The following EPM2A variants were observed in gnomAD, a reference collection of about 807,000 sequenced individuals.
The protein encoded by EPM2A is laforin.
In EPM2A, 21 loss-of-function variants were observed where a neutral mutation model predicts 26.5. The observed-to-expected ratio is 0.79, with a 90% CI of 0.56 to 1.14. EPM2A has a LOEUF of 1.14. EPM2A is among the 50% of genes most tolerant of loss of function. EPM2A has a pLI of 0.00. For synonymous variants in EPM2A, 217 were observed against 177.6 expected, an observed-to-expected ratio of 1.22 and a Z score of -1.76; for missense variants, 458 against 440.8, an observed-to-expected ratio of 1.04 and a Z score of -0.35.
intron 1 of EPM2A, among the ~76,000 whole-genome samples, chr6:145,691,705 C>T (rs113671754): frequency 6.6e-6 from 1 of 151,852 alleles, no homozygotes; most frequent in Non-Finnish European, 1.5e-5. Flanking sequence ...AAGGTTGATA[C>T]CAGTCAACTA....
chr6:145,724,929 G>A (rs1165211126), intron 1 of EPM2A, among the ~76,000 whole-genome samples: 1 of 151,874 alleles, frequency 6.6e-6, no homozygotes, highest in Non-Finnish European at 1.5e-5. Context: ...TGGATTTGGA[G>A]AAGAGTTTTT....
intron 4 of EPM2A, among the ~76,000 whole-genome samples, chr6:145,406,814 C>T (rs751997008): frequency 3.9e-5 from 6 of 152,154 alleles, no homozygotes; most frequent in Admixed American, 6.6e-5. Context: ...CCTGGGAAGT[C>T]ATTAGAAATG....
rs78116977 is a variant in EPM2A, at chr6:145,709,763, A to C, written c.302-23467T>G. On this transcript the variant is annotated intron_variant, in intron 1 of 3. Coordinates refer to ENST00000367519, the MANE Select transcript of EPM2A (RefSeq NM_005670.4). ...AAGAAACACAAAGTAGTTCCTGTAG[A>C]AGTTCTTTAGATCATGTAGAAGACA... Among the ~76,000 whole-genome samples the C allele has an allele frequency of 8.1e-4, 124 of 152,302 alleles. No homozygotes were observed. The East Asian group carries it at 0.015, about 18-fold the overall frequency.
intron 1 of EPM2A, among the ~76,000 whole-genome samples, chr6:145,727,340 A>G (rs1305116713): frequency 1.3e-5 from 2 of 152,216 alleles, no homozygotes; most frequent in Non-Finnish European, 2.9e-5. Flanking sequence ...GAAATACAGT[A>G]TCTGAAAATA....
chr6:145,519,590 CT>C (rs1226419447), intron 2 of EPM2A, among the ~76,000 whole-genome samples: 1 of 152,082 alleles, frequency 6.6e-6, no homozygotes, highest in East Asian at 1.9e-4. Context: ...GAAGTTTTCA[CT>C]GAGGATGTTA....
intron 4 of EPM2A, among the ~76,000 whole-genome samples, chr6:145,411,144 A>G (rs1778637582): frequency 6.6e-6 from 1 of 152,232 alleles, no homozygotes; most frequent in South Asian, 2.1e-4. Context: ...TAATAGAAGC[A>G]GATACTATCT....
intron 4 of EPM2A, among the ~76,000 whole-genome samples, chr6:145,409,376 T>C (rs1778613292): frequency 6.6e-6 from 1 of 152,202 alleles, no homozygotes; most frequent in African/African-American, 2.4e-5. Context: ...GCCATTTTTA[T>C]GTATATGAGG....
chr6:145,635,564 T>C, intron 2 of EPM2A, 78 bp from the exon 3 acceptor site: 2 of 1,377,000 alleles, frequency 1.5e-6, no homozygotes, highest in Non-Finnish European at 2.1e-6. Context: ...AAACATGTAG[T>C]ATTAAAATAT....
At chr6:145,388,021 C>T (rs1415016898) in intron 4 of EPM2A, among the ~76,000 whole-genome samples, 3 of 152,122 alleles carry the variant, frequency 2.0e-5, no homozygotes, top group Admixed American at 6.6e-5. Flanking sequence ...TTTGTCCCAC[C>T]TTATCCAACC....
chr6:145,696,782 TG>T (rs1213716653), intron 1 of EPM2A, among the ~76,000 whole-genome samples: 5 of 55,150 alleles, frequency 9.1e-5, no homozygotes, highest in Admixed American at 2.9e-4. Context: ...GGTATGTGTG[TG>T]TGTGTGTGTG....
At chr6:145,732,759 T>C (rs1776565088) in intron 1 of EPM2A, among the ~76,000 whole-genome samples, 2 of 152,228 alleles carry the variant, frequency 1.3e-5, no homozygotes, top group African/African-American at 4.8e-5. Flanking sequence ...TTTTATTTCC[T>C]TGTTTACGAG....
intron 2 of EPM2A, among the ~76,000 whole-genome samples, chr6:145,579,007 G>A (rs1015486384): frequency 1.3e-5 from 2 of 152,036 alleles, no homozygotes; most frequent in East Asian, 1.9e-4. Flanking sequence ...GTGGTGGGGT[G>A]GGGGGAATGG....
chr6:145,449,380 T>A (rs951048264), intron 4 of EPM2A, among the ~76,000 whole-genome samples: 1 of 152,198 alleles, frequency 6.6e-6, no homozygotes, highest in Non-Finnish European at 1.5e-5. Context: ...TTCAATGTAG[T>A]CTTATTTTTA....
At chr6:145,675,772 A>G (rs1228304695) in intron 2 of EPM2A, among the ~76,000 whole-genome samples, 2 of 152,188 alleles carry the variant, frequency 1.3e-5, no homozygotes, top group Non-Finnish European at 2.9e-5. Context: ...GAGCACCCAG[A>G]TTCATAAAGC....
intron 2 of EPM2A, among the ~76,000 whole-genome samples, chr6:145,674,846 G>C (rs1779908136): frequency 6.6e-6 from 1 of 152,010 alleles, no homozygotes; most frequent in African/African-American, 2.4e-5. Context: ...ATGGAACCAA[G>C]TTGGAAAACA....
intron 2 of EPM2A, among the ~76,000 whole-genome samples, chr6:145,591,022 G>C (rs1582880382): frequency 6.6e-6 from 1 of 152,206 alleles, no homozygotes; most frequent in South Asian, 2.1e-4. Flanking sequence ...AACATAAGCA[G>C]AGAGATAAGA....
At chr6:145,582,217 G>A (rs936417850) in intron 2 of EPM2A, among the ~76,000 whole-genome samples, 2 of 152,094 alleles carry the variant, frequency 1.3e-5, no homozygotes, top group Non-Finnish European at 2.9e-5. Context: ...TTCAGGAGCA[G>A]TTGTTTAATT....
intron 4 of EPM2A, among the ~76,000 whole-genome samples, chr6:145,485,763 G>A (rs1308944757): frequency 6.6e-6 from 1 of 152,184 alleles, no homozygotes; most frequent in Non-Finnish European, 1.5e-5. Context: ...GAGAAAAAGA[G>A]GTTTAATGGA....
chr6:145,695,720 T>C (rs1781534512), intron 1 of EPM2A, among the ~76,000 whole-genome samples: 1 of 152,024 alleles, frequency 6.6e-6, no homozygotes, highest in African/African-American at 2.4e-5. Context: ...TATATAATGA[T>C]AAAGGTGTCA....
Sources: allele counts gnomAD v4.1 joint callset (sites outside exome capture counted in the v4.1 genomes callset), GRCh38; gene constraint gnomAD v4.1.1; transcripts MANE v1.5; gene names NCBI Gene and HGNC (gene_info 2026-07-23, HGNC 2026-07-21).